The following CSMD2 variants were observed in gnomAD, a reference collection of about 807,000 sequenced individuals.
CSMD2 encodes the protein CUB and sushi domain-containing protein 2.
A neutral mutation model predicts 398.5 loss-of-function variants in CSMD2; 130 were observed. That is an observed-to-expected ratio of 0.33 (90% CI 0.28 to 0.38). CSMD2 has a LOEUF of 0.38. Among genes scored for constraint, CSMD2 ranks in the 10% least tolerant of loss-of-function variants. CSMD2 has a pLI of 1.00. For synonymous variants in CSMD2, 1,828 were observed against 1,908.5 expected, an observed-to-expected ratio of 0.96 and a Z score of 1.10; for missense variants, 3,829 against 4,764.9, an observed-to-expected ratio of 0.80 and a Z score of 5.78.
intron 15 of CSMD2, among the ~76,000 whole-genome samples, chr1:33,733,248 C>T (rs1416166825): frequency 6.6e-6 from 1 of 152,200 alleles, no homozygotes; most frequent in Non-Finnish European, 1.5e-5. Context: ...GCCTCCTACT[C>T]TCTAGCTCTG....
intron 3 of CSMD2, among the ~76,000 whole-genome samples, chr1:33,998,282 C>T (rs907655748): frequency 6.6e-6 from 1 of 152,118 alleles, no homozygotes; most frequent in Non-Finnish European, 1.5e-5. Flanking sequence ...AGAGTCCCCA[C>T]CAGCAAAAAA....
At chr1:33,833,357 C>A (rs1187553811) in intron 6 of CSMD2, among the ~76,000 whole-genome samples, 6 of 145,874 alleles carry the variant, frequency 4.1e-5, no homozygotes, top group Non-Finnish European at 8.9e-5. Context: ...ATACGCAAAT[C>A]AATAAATGTA....
intron 2 of CSMD2, among the ~76,000 whole-genome samples, chr1:34,035,437 A>G (rs1473007939): frequency 6.6e-6 from 1 of 152,190 alleles, no homozygotes; most frequent in Non-Finnish European, 1.5e-5. Context: ...TCACATGCAT[A>G]CAAACACAAA....
At chr1:33,956,207 T>TAAA (rs57869140) in intron 3 of CSMD2, among the ~76,000 whole-genome samples, 2 of 142,788 alleles carry the variant, frequency 1.4e-5, no homozygotes, top group Non-Finnish European at 3.1e-5. Context: ...CTTAAAGTAT[T>TAAA]AAAAAAAAAA....
intron 29 of CSMD2, among the ~76,000 whole-genome samples, chr1:33,637,039 G>A (rs1160601182): frequency 3.3e-5 from 5 of 152,166 alleles, no homozygotes; most frequent in African/African-American, 1.2e-4. Flanking sequence ...TGAGAAGCAG[G>A]GCAGACAGTC....
chr1:34,150,075 C>CTTTTTTTTTTTTT (rs201785327), intron 1 of CSMD2, among the ~76,000 whole-genome samples: 2 of 119,622 alleles, frequency 1.7e-5, no homozygotes, highest in Non-Finnish European at 3.6e-5. Flanking sequence ...CATTTTTCTT[C>CTTTTTTTTTTTTT]TTTCTTTTTT....
intron 3 of CSMD2, among the ~76,000 whole-genome samples, chr1:33,990,536 C>T (rs897861287): frequency 1.3e-5 from 2 of 152,160 alleles, no homozygotes. Context: ...ATAGGCCTAT[C>T]TCCTCACACT....
chr1:33,718,945 C>A (rs1646264208), intron 19 of CSMD2, among the ~76,000 whole-genome samples: 1 of 152,206 alleles, frequency 6.6e-6, no homozygotes, highest in Non-Finnish European at 1.5e-5. Flanking sequence ...TGTTCCCAGG[C>A]AACTGAGAAG....
At chr1:33,856,374 T>C (rs7545370) in intron 5 of CSMD2, among the ~76,000 whole-genome samples, 7,963 of 152,196 alleles carry the variant, frequency 0.052, 693 homozygotes, top group African/African-American at 0.18. Flanking sequence ...TCCCTCTTTC[T>C]CTGGGGAACC....
chr1:33,699,533 A>T (rs2149116547), intron 23 of CSMD2, among the ~76,000 whole-genome samples: 1 of 152,336 alleles, frequency 6.6e-6, no homozygotes, highest in Middle Eastern at 3.4e-3. Flanking sequence ...CACAATTTTC[A>T]CATGATAGAA....
At chr1:33,734,092 T>C (rs2149230106) in intron 15 of CSMD2, among the ~76,000 whole-genome samples, 1 of 152,340 alleles carries the variant, frequency 6.6e-6, no homozygotes, top group East Asian at 1.9e-4. Flanking sequence ...CTTATAGTTC[T>C]TCCTTAATGC....
At chr1:33,934,345 G>C (rs556928408) in intron 4 of CSMD2, among the ~76,000 whole-genome samples, 1 of 152,252 alleles carries the variant, frequency 6.6e-6, no homozygotes. Context: ...AGAAATACAA[G>C]AGCCAAAACA....
At chr1:33,951,717 G>C (rs542157484) in intron 3 of CSMD2, among the ~76,000 whole-genome samples, 1 of 152,292 alleles carries the variant, frequency 6.6e-6, no homozygotes, top group East Asian at 1.9e-4. Context: ...AGAAGAAACT[G>C]TCTACTTCTT....
chr1:33,930,629 T>C (rs1342039392), intron 4 of CSMD2, among the ~76,000 whole-genome samples: 1 of 152,238 alleles, frequency 6.6e-6, no homozygotes, highest in East Asian at 1.9e-4. Context: ...CAGCCTTCTT[T>C]GATCCAGGGC....
At chr1:33,821,007 A>G (rs990904910) in intron 7 of CSMD2, among the ~76,000 whole-genome samples, 15 of 152,230 alleles carry the variant, frequency 9.9e-5, no homozygotes, top group African/African-American at 3.4e-4. Flanking sequence ...AGGTGGGTGC[A>G]TGATCAGAAA....
intron 3 of CSMD2, among the ~76,000 whole-genome samples, chr1:33,937,780 A>G (rs890004032): frequency 4.6e-5 from 7 of 152,218 alleles, no homozygotes; most frequent in African/African-American, 1.7e-4. Flanking sequence ...GAAAGGAGTG[A>G]GGCCAATAAT....
intron 60 of CSMD2, among the ~76,000 whole-genome samples, chr1:33,538,507 T>C (rs1044368499): frequency 1.3e-5 from 2 of 152,214 alleles, no homozygotes; most frequent in African/African-American, 2.4e-5. Context: ...TGTATGTGTA[T>C]ATGGAGTCAT....
At chr1:33,725,623 T>G in intron 16 of CSMD2, 87 bp from the exon 17 acceptor site, 1 of 1,267,600 alleles carries the variant, frequency 7.9e-7, no homozygotes, top group Non-Finnish European at 1.1e-6. Context: ...ACCCAGGGCT[T>G]CCGAATAACC....
intron 1 of CSMD2, among the ~76,000 whole-genome samples, chr1:34,139,572 T>G (rs918164315): frequency 6.6e-6 from 1 of 152,232 alleles, no homozygotes; most frequent in African/African-American, 2.4e-5. Context: ...GGTAATTATG[T>G]TATAAGCTAC....
Sources: gnomAD v4.1 joint callset for allele counts (sites outside exome capture counted in the v4.1 genomes callset) on GRCh38, gnomAD v4.1.1 for gene constraint, MANE v1.5 for transcripts, NCBI Gene and HGNC (gene_info 2026-07-23, HGNC 2026-07-21) for gene names.